The following KSR2 variants were observed in gnomAD, a reference collection of about 807,000 sequenced individuals.
KSR2 encodes the protein kinase suppressor of ras 2.
A neutral mutation model predicts 107.8 loss-of-function variants in KSR2; 25 were observed. The ratio of observed to expected loss-of-function variants is 0.23; its 90% CI spans 0.17 to 0.32. The LOEUF is 0.32. KSR2 is among the 10% of genes least tolerant of loss of function. The pLI is 1.00. For synonymous variants in KSR2, 480 were observed against 507.0 expected (o/e 0.95, Z 0.71); for missense variants, 887 against 1,268.9 (o/e 0.70, Z 4.57).
At chr12:117,960,797 C>CA (rs1896638519) in intron 1 of KSR2, among the ~76,000 whole-genome samples, 1 of 138,762 alleles carries the variant, frequency 7.2e-6, no homozygotes, top group Non-Finnish European at 1.5e-5. Flanking sequence ...TTTCTTTTTC[C>CA]TTTTTTTTTT....
At chr12:117,495,528 C>T (rs1370855999) in intron 14 of KSR2, among the ~76,000 whole-genome samples, 1 of 152,228 alleles carries the variant, frequency 6.6e-6, no homozygotes. Context: ...GGAAGGCTCA[C>T]ATCCTAGCCA....
intron 4 of KSR2, among the ~76,000 whole-genome samples, chr12:117,684,437 C>A (rs988860514): frequency 6.6e-6 from 1 of 152,190 alleles, no homozygotes; most frequent in Non-Finnish European, 1.5e-5. Context: ...TGTACTATTA[C>A]ATGAATGCTC....
intron 4 of KSR2, among the ~76,000 whole-genome samples, chr12:117,756,471 T>C (rs1272503217): frequency 6.6e-6 from 1 of 152,220 alleles, no homozygotes; most frequent in East Asian, 1.9e-4. Flanking sequence ...GTTCACAGCA[T>C]GGTTTGCTGA....
At chr12:117,499,564 G>A (rs1018437895) in intron 14 of KSR2, among the ~76,000 whole-genome samples, 8 of 152,182 alleles carry the variant, frequency 5.3e-5, no homozygotes, top group South Asian at 4.1e-4. Context: ...GCTCAGCCTT[G>A]CTTTAGAGAC....
chr12:117,813,528 A>G (rs547554208), intron 3 of KSR2, among the ~76,000 whole-genome samples: 1 of 152,348 alleles, frequency 6.6e-6, no homozygotes, highest in East Asian at 1.9e-4. Context: ...CAACAGGTAT[A>G]TGAAGAAATG....
chr12:117,705,594 T>C (rs1401674816), intron 4 of KSR2, among the ~76,000 whole-genome samples: 1 of 152,214 alleles, frequency 6.6e-6, no homozygotes, highest in Non-Finnish European at 1.5e-5. Context: ...AACAGCTGAA[T>C]GTGCCTTGCA....
chr12:117,594,545 G>A (rs1389794207), intron 5 of KSR2, among the ~76,000 whole-genome samples: 2 of 148,292 alleles, frequency 1.3e-5, no homozygotes, highest in Non-Finnish European at 3.0e-5. Flanking sequence ...TGAGGCGACA[G>A]GGTTGTGACA....
intron 1 of KSR2, among the ~76,000 whole-genome samples, chr12:117,947,211 AAG>A (rs1896217077): frequency 1.1e-5 from 1 of 87,136 alleles, no homozygotes; most frequent in Non-Finnish European, 2.2e-5. Context: ...AAAGAAAAGA[AAG>A]AAAGAAAGAA....
At chr12:117,831,607 T>C (rs565454270) in intron 3 of KSR2, among the ~76,000 whole-genome samples, 11 of 152,352 alleles carry the variant, frequency 7.2e-5, no homozygotes, top group Non-Finnish European at 1.5e-4. Flanking sequence ...CAATAGTTAT[T>C]ACCCAATAAT....
At chr12:117,931,259 G>A (rs370022568) in intron 1 of KSR2, among the ~76,000 whole-genome samples, 81 of 152,208 alleles carry the variant, frequency 5.3e-4, no homozygotes, top group African/African-American at 1.9e-3. Context: ...CCCAGTCCAC[G>A]CCCTGTTCCT....
At chr12:117,966,611 T>A (rs3999669) in intron 1 of KSR2, among the ~76,000 whole-genome samples, 41 of 77,158 alleles carry the variant, frequency 5.3e-4, no homozygotes, top group African/African-American at 1.9e-3. Context: ...TCTCTCTCTC[T>A]CACACGCGCA....
At chr12:117,949,973 C>CT (rs55671719) in intron 1 of KSR2, among the ~76,000 whole-genome samples, 2,202 of 146,198 alleles carry the variant, frequency 0.015, 32 homozygotes, top group Non-Finnish European at 0.016. Flanking sequence ...CTGCAATTTA[C>CT]TTTTTTTTTT....
At chr12:117,727,774 C>T (rs796800315) in intron 4 of KSR2, among the ~76,000 whole-genome samples, 2 of 152,166 alleles carry the variant, frequency 1.3e-5, no homozygotes, top group African/African-American at 2.4e-5. Context: ...TAAGTCACCA[C>T]GTTTGTGATA....
At chr12:117,960,374 T>C (rs768270840) in intron 1 of KSR2, among the ~76,000 whole-genome samples, 7 of 152,204 alleles carry the variant, frequency 4.6e-5, no homozygotes, top group Admixed American at 1.3e-4. Context: ...TAACATGCTC[T>C]GGCAAAGAGG....
At chr12:117,691,173 G>A (rs1189737827) in intron 4 of KSR2, among the ~76,000 whole-genome samples, 1 of 152,166 alleles carries the variant, frequency 6.6e-6, no homozygotes. Flanking sequence ...TGTGCAAGTG[G>A]ATTTTAGAGG....
Position 117,936,530 on chromosome 12 carries a change from TTATTAGTAGTAGTAGTAGTAGTAG to T in KSR2, c.180+31522_180+31545del, listed in dbSNP as rs1487952165. Among the ~76,000 whole-genome samples, 6 of 115,280 alleles carry T rather than the reference TTATTAGTAGTAGTAGTAGTAGTAG, an allele frequency of 5.2e-5. No individual in the cohort carries two copies. The East Asian group carries it at 1.6e-3, about 31-fold the overall frequency. 75.6% of individuals were successfully genotyped at this position (115,280 alleles called of 152,430 possible). ...TATTATTTTATTATTATTATTATTA[TTATTAGTAGTAGTAGTAGTAGTAG>T]TAGTAGTAGTAGTAGTAGTAGAGAC... On this transcript the variant is annotated intron_variant, in intron 1 of 19. Transcript: ENST00000339824.
chr12:117,791,563 T>C (rs965231067), intron 3 of KSR2, among the ~76,000 whole-genome samples: 4 of 152,166 alleles, frequency 2.6e-5, no homozygotes, highest in African/African-American at 9.7e-5. Context: ...CTCAGTGTGA[T>C]TGGAACAACC....
chr12:117,824,105 C>T (rs1270038700), intron 3 of KSR2, among the ~76,000 whole-genome samples: 4 of 152,108 alleles, frequency 2.6e-5, no homozygotes, highest in African/African-American at 4.8e-5. Context: ...TGCAGCAACA[C>T]GGATGGAACT....
chr12:117,544,511 T>G (rs1043585492), intron 9 of KSR2, among the ~76,000 whole-genome samples: 8 of 151,694 alleles, frequency 5.3e-5, no homozygotes, highest in African/African-American at 1.9e-4. Flanking sequence ...CCCAGCTACT[T>G]GGGAGGCTGA....
Sources: allele counts gnomAD v4.1 joint callset (sites outside exome capture counted in the v4.1 genomes callset), GRCh38; gene constraint gnomAD v4.1.1; transcripts MANE v1.5; gene names NCBI Gene and HGNC (gene_info 2026-07-23, HGNC 2026-07-21).